Variants in PARP16 observed in about 807,000 individuals in gnomAD.
The protein encoded by PARP16 is protein mono-ADP-ribosyltransferase PARP16.
A neutral mutation model predicts 35.0 loss-of-function variants in PARP16; 31 were observed. The observed-to-expected ratio is 0.88, with a 90% CI of 0.66 to 1.19. The LOEUF is 1.19. Ranked by LOEUF, PARP16 falls within the 50% of genes most tolerant of loss-of-function variation. PARP16 has a pLI of 0.00. For missense variants in PARP16, 424 were observed against 411.2 expected (o/e 1.03, Z -0.27); for synonymous variants, 162 against 169.5 (o/e 0.96, Z 0.34).
chr15:65,268,459 T>G (rs1332368571), intron 2 of PARP16, among the ~76,000 whole-genome samples: 2 of 152,186 alleles, frequency 1.3e-5, no homozygotes, highest in African/African-American at 4.8e-5. Flanking sequence ...GCTGTTGTTG[T>G]TTTTGAGACA....
At chr15:65,263,754 C>T (rs971378877) in intron 3 of PARP16, among the ~76,000 whole-genome samples, 11 of 152,276 alleles carry the variant, frequency 7.2e-5, no homozygotes, top group African/African-American at 2.6e-4. Flanking sequence ...AATATACATA[C>T]ATAAAAGAGT....
At chr15:65,255,743 G>GAAAAAAAAAAAAAAAAAA (rs56665485), downstream of PARP16, among the ~76,000 whole-genome samples, 5 of 57,158 alleles carry the variant, frequency 8.7e-5, no homozygotes, top group African/African-American at 8.5e-5. Flanking sequence ...AGAAAACTCA[G>GAAAAAAAAAAAAAAAAAA]AAAAAAAAAA....
At chr15:65,271,398 C>T (rs532534241) in intron 1 of PARP16, among the ~76,000 whole-genome samples, 6 of 152,138 alleles carry the variant, frequency 3.9e-5, no homozygotes, top group African/African-American at 9.6e-5. Context: ...CTCAGCCTCC[C>T]GAGTAGCTGG....
At chr15:65,271,352 C>T (rs908498346) in intron 1 of PARP16, among the ~76,000 whole-genome samples, 2 of 152,070 alleles carry the variant, frequency 1.3e-5, no homozygotes, top group South Asian at 2.1e-4. Context: ...TGGCTCACTG[C>T]AGCCTCTGCC....
At chr15:65,274,392 C>T (rs1252675216) in intron 1 of PARP16, among the ~76,000 whole-genome samples, 2 of 151,892 alleles carry the variant, frequency 1.3e-5, no homozygotes, top group Non-Finnish European at 2.9e-5. Flanking sequence ...GAAACCGCAT[C>T]TCCACAAAAC....
intron 2 of PARP16, among the ~76,000 whole-genome samples, chr15:65,251,835 G>A (rs1018438268): frequency 6.6e-6 from 1 of 151,928 alleles, no homozygotes; most frequent in Non-Finnish European, 1.5e-5. Context: ...CATGATCTCA[G>A]CTCACTGCAA....
intron 1 of PARP16, among the ~76,000 whole-genome samples, chr15:65,277,251 C>T (rs1052950404): frequency 3.9e-5 from 6 of 152,136 alleles, no homozygotes; most frequent in African/African-American, 1.4e-4. Context: ...AGTCACCTCC[C>T]ACGTGAAGCC....
intron 1 of PARP16, among the ~76,000 whole-genome samples, chr15:65,284,935 AG>A (rs1301501606): frequency 1.3e-5 from 2 of 148,212 alleles, no homozygotes; most frequent in African/African-American, 2.5e-5. Flanking sequence ...CTCCCGCCTC[AG>A]CCTCCCAAGT....
chr15:65,286,595 A>T lies in PARP16; in HGVS notation c.-169T>A, dbSNP rs1417374680. The T allele has an allele frequency of 2.0e-5, 10 of 492,478 alleles. No homozygotes were observed. Among genetic ancestry groups the T allele is most frequent in the Non-Finnish European group, 3.2e-5 (9 of 283,406 alleles). 30.5% of individuals were successfully genotyped at this position (492,478 alleles called of 1,614,324 possible). A position where few individuals can be genotyped will look rare whatever the true frequency, so the allele number is the denominator to read the frequency against. On this transcript the variant is annotated 5_prime_UTR_variant, in exon 1 of 6. Transcript: ENST00000649807. ...AGATGACAGGGGTGAGAACGTGCCG[A>T]CAAGTGTCCTCTGCCGGGGTCTGGG...
exon 4 of PARP16, chr15:65,234,598 T>G (rs1283886233): frequency 1.3e-5 from 2 of 152,266 alleles, no homozygotes; most frequent in Non-Finnish European, 1.5e-5. Flanking sequence ...AGTTCTCTCA[T>G]GATTCTGGGA....
At position 65,286,396 on chromosome 15, in the gene PARP16, C is replaced by T; in HGVS notation, c.31G>A (p.Glu11Lys). ...GCCAGCATGTCGCGGCCCGCCGCCT[C>T]CCTGGCGGCCGCCCAGCCTGAGGGC... The part of the protein sequence containing the change: MQPSGWAAAR[E>K]AAGRDMLAAD... Residue 11 changes from glutamate (E) to lysine (K), a missense_variant, in exon 1 of 6, where the codon GAG (glutamate) becomes AAG (lysine). Physicochemically the swap from Glu to Lys is moderately conservative, Grantham distance 56. Coordinates refer to ENST00000649807, the MANE Select transcript of PARP16 (RefSeq NM_001316943.2). 6.5e-7 allele frequency: 1 copy of T among 1,549,876 alleles called. No homozygotes were observed. Among genetic ancestry groups the T allele is most frequent in the South Asian group, 1.2e-5 (1 of 83,086 alleles).
At chr15:65,245,881 C>A (rs1424813705) in intron 3 of PARP16, among the ~76,000 whole-genome samples, 1 of 152,156 alleles carries the variant, frequency 6.6e-6, no homozygotes, top group African/African-American at 2.4e-5. Flanking sequence ...TGCTCTCTTG[C>A]TTTCAATTTT....
chr15:65,274,404 A>G (rs899787754), intron 1 of PARP16, among the ~76,000 whole-genome samples: 20 of 152,002 alleles, frequency 1.3e-4, no homozygotes, highest in East Asian at 9.7e-4. Context: ...CCACAAAACA[A>G]AACAAACAAA....
chr15:65,232,287 T>C (rs2088786553), downstream of PARP16, among the ~76,000 whole-genome samples: 1 of 152,148 alleles, frequency 6.6e-6, no homozygotes, highest in Admixed American at 6.6e-5. Context: ...CTTCCCACCT[T>C]AAAGGAGCCC....
chr15:65,243,790 T>A (rs1165002904), intron 3 of PARP16, among the ~76,000 whole-genome samples: 1 of 152,168 alleles, frequency 6.6e-6, no homozygotes, highest in Non-Finnish European at 1.5e-5. Flanking sequence ...TATTCTTGAA[T>A]ATGTGTCACA....
At chr15:65,284,730 G>T (rs1002820347) in intron 1 of PARP16, among the ~76,000 whole-genome samples, 1 of 150,872 alleles carries the variant, frequency 6.6e-6, no homozygotes, top group Admixed American at 6.6e-5. Context: ...TATTCCCTCA[G>T]TGATTGCTAC....
At chr15:65,241,841 A>C (rs1345332607) in intron 3 of PARP16, among the ~76,000 whole-genome samples, 1 of 152,150 alleles carries the variant, frequency 6.6e-6, no homozygotes, top group Non-Finnish European at 1.5e-5. Context: ...ATTTTCTCCC[A>C]CCGACAGTTG....
chr15:65,280,282 C>G (rs955461345), intron 1 of PARP16, among the ~76,000 whole-genome samples: 6 of 151,534 alleles, frequency 4.0e-5, no homozygotes, highest in African/African-American at 1.2e-4. Flanking sequence ...ACTAAAAATA[C>G]AAAAATTAGC....
intron 1 of PARP16, among the ~76,000 whole-genome samples, chr15:65,282,016 G>C (rs2090435501): frequency 6.6e-6 from 1 of 152,146 alleles, no homozygotes; most frequent in Admixed American, 6.6e-5. Context: ...AAATGAAAGT[G>C]AGAGACTTTT....
Sources: allele counts gnomAD v4.1 joint callset (sites outside exome capture counted in the v4.1 genomes callset), GRCh38; gene constraint gnomAD v4.1.1; transcripts MANE v1.5; gene names NCBI Gene and HGNC (gene_info 2026-07-23, HGNC 2026-07-21).